Variants in PTPRT observed in about 807,000 individuals in gnomAD.
PTPRT encodes receptor-type tyrosine-protein phosphatase T.
Under a neutral mutation model 176.8 loss-of-function variants are expected in PTPRT, and 56 were observed. The ratio of observed to expected loss-of-function variants is 0.32; its 90% CI spans 0.26 to 0.40. PTPRT has a LOEUF of 0.40. Ranked by LOEUF, PTPRT falls within the 10% of genes least tolerant of loss-of-function variation. The pLI, the probability that PTPRT is intolerant of heterozygous loss-of-function variation, is 1.00. For missense variants in PTPRT, 1,540 were observed against 1,908.2 expected (o/e 0.81, Z 3.60); for synonymous variants, 783 against 739.0 (o/e 1.06, Z -0.96).
At chr20:42,666,433 T>C (rs6102977) in intron 7 of PTPRT, among the ~76,000 whole-genome samples, 21 of 152,350 alleles carry the variant, frequency 1.4e-4, no homozygotes, top group African/African-American at 4.3e-4. Context: ...TTAATTATTA[T>C]AGTTTTTACA....
chr20:42,172,333 C>A (rs1402809542), intron 16 of PTPRT, among the ~76,000 whole-genome samples: 1 of 152,078 alleles, frequency 6.6e-6, no homozygotes, highest in East Asian at 1.9e-4. Flanking sequence ...CAAACCTCTG[C>A]CAAAAAATGA....
At chr20:42,101,694 T>G (rs1420954050) in intron 26 of PTPRT, among the ~76,000 whole-genome samples, 1 of 152,242 alleles carries the variant, frequency 6.6e-6, no homozygotes, top group Non-Finnish European at 1.5e-5. Flanking sequence ...TCAGGAGTTA[T>G]CTGGAACCTT....
intron 1 of PTPRT, among the ~76,000 whole-genome samples, chr20:43,016,066 G>A (rs1165023936): frequency 1.3e-5 from 2 of 152,010 alleles, no homozygotes; most frequent in African/African-American, 2.4e-5. Flanking sequence ...GTTCTCTCCT[G>A]AGGATTATCT....
At chr20:42,276,389 G>T (rs2057030052) in intron 13 of PTPRT, among the ~76,000 whole-genome samples, 1 of 148,968 alleles carries the variant, frequency 6.7e-6, no homozygotes. Context: ...ACTAGAGTCT[G>T]GGCTGTGGCT....
intron 22 of PTPRT, among the ~76,000 whole-genome samples, chr20:42,113,584 G>A (rs1987125661): frequency 6.6e-6 from 1 of 152,222 alleles, no homozygotes; most frequent in African/African-American, 2.4e-5. Context: ...ACGCCTTAAG[G>A]GGGACAACTC....
chr20:42,916,769 A>C (rs1349367697), intron 1 of PTPRT, among the ~76,000 whole-genome samples: 3 of 152,132 alleles, frequency 2.0e-5, no homozygotes, highest in Non-Finnish European at 4.4e-5. Flanking sequence ...TCTTCTTTTG[A>C]GAAGTGTCTG....
intron 1 of PTPRT, among the ~76,000 whole-genome samples, chr20:42,939,573 A>G (rs1189158238): frequency 6.6e-6 from 1 of 152,170 alleles, no homozygotes; most frequent in African/African-American, 2.4e-5. Context: ...ATGGAACTAA[A>G]TCCATTGTTT....
intron 1 of PTPRT, among the ~76,000 whole-genome samples, chr20:43,087,966 C>G (rs1038948085): frequency 4.6e-5 from 7 of 152,116 alleles, no homozygotes; most frequent in African/African-American, 1.7e-4. Context: ...AAGTTCTACT[C>G]CATACCACTG....
In PTPRT at chr20:42,618,494, C is replaced by T. The variant is rs1448189520; in HGVS notation, c.1153+59372G>A. Among the ~76,000 whole-genome samples the T allele has an allele frequency of 5.2e-5, 7 of 134,422 alleles. 1 individual carries two copies. Among genetic ancestry groups the T allele is most frequent in the Admixed American group, 3.5e-4 (5 of 14,116 alleles). 88.2% of individuals were successfully genotyped at this position (134,422 alleles called of 152,430 possible). A position where few individuals can be genotyped will look rare whatever the true frequency, so the allele number is the denominator to read the frequency against. ...GAGCTGAGTTCAATTCCTGGGTATCCTTGTTGACTTTCTGTCCGTTGATCT... is the reference window on the plus strand; with the variant it reads ...GAGCTGAGTTCAATTCCTGGGTATCTTTGTTGACTTTCTGTCCGTTGATCT... On this transcript the variant is annotated intron_variant, in intron 7 of 30. Transcript: ENST00000373187.
At chr20:42,167,380 C>A (rs1680508423) in intron 16 of PTPRT, among the ~76,000 whole-genome samples, 1 of 152,192 alleles carries the variant, frequency 6.6e-6, no homozygotes, top group Non-Finnish European at 1.5e-5. Context: ...GACAGGACTA[C>A]TCCATCAGTT....
chr20:42,499,016 A>G (rs1249666165), intron 7 of PTPRT, among the ~76,000 whole-genome samples: 2 of 152,168 alleles, frequency 1.3e-5, no homozygotes, highest in African/African-American at 4.8e-5. Context: ...GTCACAGGCC[A>G]TGATTTTAAC....
At chr20:42,465,892 A>G (rs976671054) in intron 8 of PTPRT, among the ~76,000 whole-genome samples, 2 of 152,150 alleles carry the variant, frequency 1.3e-5, no homozygotes, top group Admixed American at 1.3e-4. Context: ...ATTAAGCCCC[A>G]TATGCATTAA....
intron 2 of PTPRT, among the ~76,000 whole-genome samples, chr20:42,811,058 T>G (rs554787945): frequency 4.6e-4 from 70 of 152,342 alleles, no homozygotes; most frequent in African/African-American, 1.6e-3. Flanking sequence ...CCATCTAGCT[T>G]CAACCACTGT....
In PTPRT at chr20:43,189,700, G is replaced by T; in HGVS notation, c.34C>A (p.Leu12Ile). Reference sequence around the variant, plus strand: ...AGTGGCGGCAGCTGCAGCCTCAGGAGCAGGCTGAGGGCGAGCGCGGCGAGG... The same window carrying T: ...AGTGGCGGCAGCTGCAGCCTCAGGATCAGGCTGAGGGCGAGCGCGGCGAGG... ...ASLAALALSL[L>I]LRLQLPPLPG... The change falls in exon 1 of 31, where the codon CTC (leucine) becomes ATC (isoleucine). Residue 12 changes from leucine (L) to isoleucine (I), a missense_variant. Leu to Ile is a conservative substitution (Grantham distance 5). This residue lies in a region of PTPRT where 116 missense variants were observed against 118.5 expected (regional missense o/e 0.98). Transcript: ENST00000373187. This position sits in a 1 kb window ranked among gnomAD's most constrained non-coding sequence, Gnocchi z 5.0. 7.6e-7 allele frequency: 1 copy of T among 1,315,376 alleles called. No individual in the cohort carries two copies. The allele number at this position is 1,315,376 out of a possible 1,614,324, so 81.5% of individuals were successfully genotyped here.
chr20:42,216,078 T>C (rs2055763489), intron 15 of PTPRT, among the ~76,000 whole-genome samples: 1 of 151,992 alleles, frequency 6.6e-6, no homozygotes, highest in Non-Finnish European at 1.5e-5. Flanking sequence ...GCTTTATGGC[T>C]ATTTCCCTAC....
At chr20:42,688,464 C>T (rs988348843) in intron 6 of PTPRT, 3 of 152,230 alleles carry the variant, frequency 2.0e-5, no homozygotes, top group Admixed American at 6.5e-5. Flanking sequence ...GTCACCACTT[C>T]CTGCCATTTT....
chr20:42,725,524 G>A (rs1600666285), intron 6 of PTPRT, among the ~76,000 whole-genome samples: 1 of 151,994 alleles, frequency 6.6e-6, no homozygotes, highest in African/African-American at 2.4e-5. Context: ...GGGTGGCCAA[G>A]GTTATGCAAA....
chr20:42,211,985 A>G, intron 15 of PTPRT, among the ~76,000 whole-genome samples: 1 of 125,100 alleles, frequency 8.0e-6, no homozygotes, highest in Non-Finnish European at 1.8e-5. Context: ...TGATGAGTTC[A>G]TGTCCTTTGT....
chr20:42,630,803 A>G (rs987871854), intron 7 of PTPRT, among the ~76,000 whole-genome samples: 19 of 152,158 alleles, frequency 1.2e-4, no homozygotes, highest in African/African-American at 4.6e-4. Flanking sequence ...TCATGACATC[A>G]TGTCTGTTGT....
Sources: gnomAD v4.1 joint callset for allele counts (sites outside exome capture counted in the v4.1 genomes callset) on GRCh38, gnomAD v4.1.1 for gene constraint, gnomAD v4.1.1 regional missense constraint, Gnocchi (gnomAD v3.1) non-coding constraint, MANE v1.5 for transcripts, NCBI Gene and HGNC (gene_info 2026-07-23, HGNC 2026-07-21) for gene names.